DIAPH2: variants seen among roughly 807,000 people sequenced by gnomAD.
The protein encoded by DIAPH2 is protein diaphanous homolog 2.
In DIAPH2, 35 loss-of-function variants were observed where a neutral mutation model predicts 92.7. The ratio of observed to expected loss-of-function variants is 0.38; its 90% CI spans 0.29 to 0.50. The LOEUF (loss-of-function observed/expected upper bound fraction) is 0.50. DIAPH2 is among the 20% of genes least tolerant of loss of function. The probability of loss-of-function intolerance (pLI) is 0.94; values close to 1 mark genes in which losing one functional copy is unlikely to be tolerated. For missense variants in DIAPH2, 701 were observed against 819.5 expected, an observed-to-expected ratio of 0.86 and a Z score of 1.77; for synonymous variants, 301 against 280.4, an observed-to-expected ratio of 1.07 and a Z score of -0.73.
intron 26 of DIAPH2, among the ~76,000 whole-genome samples, chrX:97,453,820 A>C (rs1218278567): frequency 2.7e-5 from 3 of 111,973 alleles, no homozygotes; most frequent in Non-Finnish European, 5.6e-5. Flanking sequence ...CTTATTCAGC[A>C]GAAATAAATT....
chrX:97,245,820 A>G (rs992844928), intron 22 of DIAPH2, among the ~76,000 whole-genome samples: 5 of 111,396 alleles, frequency 4.5e-5, no homozygotes, highest in Middle Eastern at 4.7e-3. Flanking sequence ...CCAAGGCACC[A>G]TATTTTTGGG....
intron 23 of DIAPH2, among the ~76,000 whole-genome samples, chrX:97,290,032 C>T (rs2068576939): frequency 9.4e-6 from 1 of 106,283 alleles, no homozygotes; most frequent in African/African-American, 3.4e-5. Flanking sequence ...TGCTTGACCT[C>T]ATCCCTTCCA....
chrX:97,184,631 A>G (rs1390157507), intron 22 of DIAPH2, among the ~76,000 whole-genome samples: 1 of 111,625 alleles, frequency 9.0e-6, no homozygotes, highest in Non-Finnish European at 1.9e-5. Context: ...GAGTTAAAGC[A>G]TATATGGCTC....
intron 26 of DIAPH2, among the ~76,000 whole-genome samples, chrX:97,559,032 G>C (rs2071275467): frequency 8.9e-6 from 1 of 111,913 alleles, no homozygotes; most frequent in Non-Finnish European, 1.9e-5. Context: ...AGCTTCTGTT[G>C]GGTTTATCAG....
chrX:97,134,539 C>G (rs2067158536), intron 21 of DIAPH2, among the ~76,000 whole-genome samples: 1 of 111,083 alleles, frequency 9.0e-6, no homozygotes, highest in South Asian at 3.8e-4. Context: ...CTAGTATATT[C>G]AAACTCAAAT....
At chrX:97,384,760 G>A (rs1376564286) in intron 25 of DIAPH2, among the ~76,000 whole-genome samples, 3 of 110,353 alleles carry the variant, frequency 2.7e-5, no homozygotes, top group Non-Finnish European at 5.7e-5. Context: ...CAGCTGCCCA[G>A]GAGGCTGAGG....
chrX:96,764,624 C>G (rs2064290196), intron 4 of DIAPH2, among the ~76,000 whole-genome samples: 1 of 111,572 alleles, frequency 9.0e-6, no homozygotes, highest in Non-Finnish European at 1.9e-5. Context: ...CATGAAAATG[C>G]AAATTTTGTC....
At chrX:97,430,646 C>T (rs2070117184) in intron 26 of DIAPH2, among the ~76,000 whole-genome samples, 1 of 112,258 alleles carries the variant, frequency 8.9e-6, no homozygotes, top group African/African-American at 3.2e-5. Context: ...CCTTAAATAG[C>T]CTGCAATTCC....
chrX:96,873,638 GTA>G (rs201725902), intron 4 of DIAPH2, among the ~76,000 whole-genome samples: 2,007 of 74,784 alleles, frequency 0.027, 135 homozygotes, highest in Admixed American at 0.22. Context: ...ATAGAAATGC[GTA>G]TATATATACA....
At chrX:97,451,777 G>A (rs979212557) in intron 26 of DIAPH2, among the ~76,000 whole-genome samples, 4 of 111,287 alleles carry the variant, frequency 3.6e-5, no homozygotes, top group African/African-American at 9.8e-5. Context: ...TTATTTTAAA[G>A]TGTGCCTTTC....
At chrX:96,919,788 T>C (rs2065529408) in intron 9 of DIAPH2, among the ~76,000 whole-genome samples, 1 of 111,447 alleles carries the variant, frequency 9.0e-6, no homozygotes, top group African/African-American at 3.2e-5. Flanking sequence ...GAAGGATCTT[T>C]GTTAATCATG....
intron 22 of DIAPH2, among the ~76,000 whole-genome samples, chrX:97,239,026 G>A (rs2068070992): frequency 1.8e-5 from 2 of 111,691 alleles, no homozygotes; most frequent in South Asian, 3.7e-4. Flanking sequence ...GATGTAAGAA[G>A]TGCTCCGTTA....
intron 17 of DIAPH2, among the ~76,000 whole-genome samples, chrX:97,061,691 G>A (rs1419280253): frequency 1.9e-5 from 2 of 107,814 alleles, no homozygotes; most frequent in Admixed American, 1.0e-4. Flanking sequence ...GAGCACGCCT[G>A]TAATCCCAGC....
chrX:96,993,285 A>C (rs1462100357), intron 17 of DIAPH2, among the ~76,000 whole-genome samples: 1 of 112,017 alleles, frequency 8.9e-6, no homozygotes, highest in Non-Finnish European at 1.9e-5. Context: ...TGAATAAGAT[A>C]TGGTTTGCAT....
At chrX:96,718,629 C>T (rs1018270947) in intron 1 of DIAPH2, among the ~76,000 whole-genome samples, 3 of 111,061 alleles carry the variant, frequency 2.7e-5, no homozygotes, top group African/African-American at 9.8e-5. Flanking sequence ...GCTGGGATTA[C>T]AGGCGTGAGC....
chrX:96,916,966 A>G (rs1370521425), intron 8 of DIAPH2, among the ~76,000 whole-genome samples: 2 of 111,622 alleles, frequency 1.8e-5, no homozygotes, highest in Non-Finnish European at 3.8e-5. Flanking sequence ...ACATTATCTT[A>G]TAATAGTATT....
At chrX:97,227,719 A>G (rs766103753) in intron 22 of DIAPH2, among the ~76,000 whole-genome samples, 46 of 111,877 alleles carry the variant, frequency 4.1e-4, no homozygotes, top group Non-Finnish European at 5.1e-4. Flanking sequence ...GTGAATAGTG[A>G]AGCAAATCAA....
rs2070547847 is a variant in DIAPH2 at position 97,469,874 on chromosome X, G to C, written c.3241+40129G>C. On this transcript the variant is annotated intron_variant, in intron 26 of 26. Transcript: ENST00000324765. ...CTGGTGCTCTTTTCTTTCTGCCTAA[G>C]GCTTTCTGATAAAATTTATGCTATA... The C allele has an allele frequency of 3.9e-5, 41 of 1,057,893 alleles. No homozygotes were observed. In the South Asian group the frequency reaches 1.2e-3, roughly 30 times the overall value. 87.2% of individuals were successfully genotyped at this position (1,057,893 alleles called of 1,213,427 possible).
chrX:96,967,395 T>TATTTATTCATTCATTC (rs771061926), intron 17 of DIAPH2, among the ~76,000 whole-genome samples: 1 of 105,800 alleles, frequency 9.5e-6, no homozygotes, highest in East Asian at 2.9e-4. Flanking sequence ...TTTATTTATT[T>TATTTATTCATTCATTC]ATTCATTCAT....
Sources: gnomAD v4.1 joint callset for allele counts (sites outside exome capture counted in the v4.1 genomes callset) on GRCh38, gnomAD v4.1.1 for gene constraint, MANE v1.5 for transcripts, NCBI Gene and HGNC (gene_info 2026-07-23, HGNC 2026-07-21) for gene names.